Variants in FGD1 observed in about 807,000 individuals in gnomAD.
The protein encoded by FGD1 is FYVE, RhoGEF and PH domain-containing protein 1.
FGD1 carries 12 observed loss-of-function variants against 65.0 expected under a neutral mutation model. That is an observed-to-expected ratio of 0.18 (90% CI 0.12 to 0.30). FGD1 has a LOEUF of 0.30. FGD1 is among the 10% of genes least tolerant of loss of function. FGD1 has a pLI of 1.00. For missense variants in FGD1, 542 were observed against 837.6 expected, an observed-to-expected ratio of 0.65 and a Z score of 4.36; for synonymous variants, 333 against 343.9, an observed-to-expected ratio of 0.97 and a Z score of 0.35.
Position 54,467,923 on chromosome X carries a change from C to A in FGD1, c.1201G>T (p.Ala401Ser). ...RLHLLDQVFC[A>S]RLLEEARNRS... Reference sequence around the variant, plus strand: ...TTCCGAGCTTCTTCCAGCAGCCGGGCACAGAACACCTGTGGGGCAGGGCAG... The same window carrying A: ...TTCCGAGCTTCTTCCAGCAGCCGGGAACAGAACACCTGTGGGGCAGGGCAG... Residue 401 changes from alanine to serine, a missense_variant, in exon 6 of 18, where the codon GCC becomes TCC. Physicochemically the swap from Ala to Ser is moderately conservative, Grantham distance 99 (BLOSUM62 1). Transcript: ENST00000375135. The A allele has an allele frequency of 8.5e-7, 1 of 1,177,915 alleles. No individual in the cohort carries two copies. The highest frequency in any genetic ancestry group is 1.9e-5 in the South Asian group (1 of 53,257).
At chrX:54,487,718 G>A (rs188239701) in intron 1 of FGD1, among the ~76,000 whole-genome samples, 330 of 111,971 alleles carry the variant, frequency 2.9e-3, no homozygotes, top group African/African-American at 0.01. Flanking sequence ...GGGAGGCCGA[G>A]GCAGGCGGAT....
At chrX:54,475,581 G>A (rs1922998805) in intron 1 of FGD1, among the ~76,000 whole-genome samples, 3 of 108,597 alleles carry the variant, frequency 2.8e-5, no homozygotes, top group Non-Finnish European at 1.9e-5. Flanking sequence ...CCTCCCTCTC[G>A]TTTCAGAACT....
In FGD1 at chrX:54,451,008, C is replaced by A. The variant is rs999589199; in HGVS notation, c.2016-707G>T. Among the ~76,000 whole-genome samples, 4 of 110,134 alleles carry A rather than the reference C, an allele frequency of 3.6e-5. No individual in the cohort carries two copies. The Admixed American group carries it at 3.9e-4, about 11-fold the overall frequency. The stretch of plus-strand genomic sequence containing the variant: ...AGGTTGCAGTGAGCGGAGATCGTCC[C>A]ACTGCACTCCAGCCTGGGTGACAGA... On this transcript the variant is annotated intron_variant, in intron 12 of 17. Coordinates refer to ENST00000375135, the MANE Select transcript of FGD1 (RefSeq NM_004463.3).
chrX:54,465,976 G>A, intron 6 of FGD1, 124 bp from the exon 7 acceptor site: 1 of 803,421 alleles, frequency 1.2e-6, no homozygotes, highest in South Asian at 2.3e-5. Flanking sequence ...TTCTCAGCTA[G>A]TCTGCTCCTT....
rs1922740179 is a variant in FGD1 at position 54,465,605 on chromosome X, G to A, written c.1498-16C>T. On this transcript the variant is annotated splice_polypyrimidine_tract_variant and intron_variant, in intron 7 of 17. Coordinates refer to ENST00000375135, the MANE Select transcript of FGD1 (RefSeq NM_004463.3). The stretch of plus-strand genomic sequence containing the variant: ...CTTCCTCCTTCTGTGACAGGCAGAA[G>A]CAGAGGGGCTCAGATCTGGCTGCAG... 3 of 1,209,790 alleles carry A rather than the reference G, an allele frequency of 2.5e-6. No individual in the cohort carries two copies. In the African/African-American group the frequency reaches 5.2e-5, roughly 21 times the overall value.
chrX:54,471,325 G>C lies in FGD1; in HGVS notation c.470C>G (p.Pro157Arg), dbSNP rs774771751. 3.3e-6 allele frequency: 4 copies of C among 1,209,133 alleles called. No homozygotes were observed. The Admixed American group carries it at 8.7e-5, about 26-fold the overall frequency. Residue 157 changes from proline to arginine, a missense_variant, in exon 2 of 18, where the codon CCG (proline) becomes CGG (arginine). Transcript: ENST00000375135. Reference protein sequence around the residue: ...RPSPLKRAPGPKPQVPPKPSY... With the variant: ...RPSPLKRAPGRKPQVPPKPSY... Reference sequence around the variant, plus strand: ...CCAGGACCACTTACCCTGTGGCTTCGGGCCCGGTGCCCGCTTCAGTGGTGA... The same window carrying C: ...CCAGGACCACTTACCCTGTGGCTTCCGGCCCGGTGCCCGCTTCAGTGGTGA...
intron 12 of FGD1, among the ~76,000 whole-genome samples, chrX:54,453,396 A>G (rs1601949911): frequency 9.0e-6 from 1 of 110,901 alleles, no homozygotes; most frequent in South Asian, 3.8e-4. Context: ...ACATGCATCC[A>G]TCCTCTGGCC....
intron 1 of FGD1, among the ~76,000 whole-genome samples, chrX:54,480,094 G>A (rs1372858950): frequency 2.7e-5 from 3 of 112,802 alleles, no homozygotes; most frequent in African/African-American, 9.6e-5. Flanking sequence ...TCAAGAAGTG[G>A]GGGCCATTCT....
chrX:54,479,212 A>G (rs1268917932), intron 1 of FGD1, among the ~76,000 whole-genome samples: 3 of 112,281 alleles, frequency 2.7e-5, no homozygotes, highest in Admixed American at 1.9e-4. Context: ...GTCTGAGGAC[A>G]AGGGCTCCTT....
intron 8 of FGD1, among the ~76,000 whole-genome samples, chrX:54,465,223 C>A (rs1369542786): frequency 9.5e-6 from 1 of 105,334 alleles, no homozygotes; most frequent in African/African-American, 3.4e-5. Context: ...ACTTAGAGGT[C>A]CCTGCCTGAA....
rs775538988 is a variant in FGD1, at chrX:54,469,117, C to G, written c.1102-241G>C. Among the ~76,000 whole-genome samples the G allele has an allele frequency of 4.5e-5, 5 of 111,492 alleles. No homozygotes were observed. The Admixed American group carries it at 4.8e-4, about 11-fold the overall frequency. ...TCCCTCACTCAACAACTCATTCACC[C>G]GCTCTCTCTATTCACTCAGCAGAGT... On this transcript the variant is annotated intron_variant, in intron 4 of 17. Coordinates refer to ENST00000375135, the MANE Select transcript of FGD1 (RefSeq NM_004463.3).
chrX:54,468,726 T>C, intron 5 of FGD1, 61 bp downstream of exon 5: 1 of 805,481 alleles, frequency 1.2e-6, no homozygotes, highest in Non-Finnish European at 1.9e-6. Flanking sequence ...GCCCTATCAC[T>C]GCCTCCTTGA....
chrX:54,471,464 G>T lies in FGD1; in HGVS notation c.331C>A (p.Leu111Met), dbSNP rs536085657. 8.3e-7 allele frequency: 1 copy of T among 1,211,631 alleles called. No homozygotes were observed. ...RPGLHQGNRI[L>M]VKSLSLDPGQ... ...GGGTCAAGGGACAAACTTTTAACCA[G>T]GATCCGGTTTCCCTGGTGCAGCCCT... Residue 111 changes from leucine to methionine, a missense_variant, in exon 2 of 18, where the codon CTG (leucine) becomes ATG (methionine). Transcript: ENST00000375135.
chrX:54,486,058 C>T (rs1453817183), intron 1 of FGD1, among the ~76,000 whole-genome samples: 1 of 110,889 alleles, frequency 9.0e-6, no homozygotes, highest in Admixed American at 9.6e-5. Flanking sequence ...CAGGCGTGAG[C>T]CACCGTGCCC....
chrX:54,486,140 G>A (rs896001061), intron 1 of FGD1, among the ~76,000 whole-genome samples: 15 of 110,655 alleles, frequency 1.4e-4, no homozygotes, highest in African/African-American at 9.9e-5. Flanking sequence ...AGGCTGGAGC[G>A]CAGTGGCACA....
chrX:54,486,628 G>T (rs1044391854), intron 1 of FGD1, among the ~76,000 whole-genome samples: 11 of 109,416 alleles, frequency 1.0e-4, no homozygotes, highest in Non-Finnish European at 1.9e-4. Flanking sequence ...TGATCCACCC[G>T]CCTTGGCCTC....
chrX:54,483,216 C>A (rs922084932), intron 1 of FGD1, among the ~76,000 whole-genome samples: 1 of 111,676 alleles, frequency 9.0e-6, no homozygotes, highest in African/African-American at 3.3e-5. Flanking sequence ...CTAAGAGATG[C>A]GGTGAAAGTG....
intron 1 of FGD1, among the ~76,000 whole-genome samples, chrX:54,476,524 A>AT (rs765724343): frequency 2.8e-5 from 3 of 108,437 alleles, no homozygotes; most frequent in Non-Finnish European, 3.8e-5. Context: ...GCTATTTTTA[A>AT]TTTTTTTTGT....
chrX:54,492,659 G>A (rs1265799354), intron 1 of FGD1, among the ~76,000 whole-genome samples: 2 of 112,001 alleles, frequency 1.8e-5, no homozygotes, highest in Non-Finnish European at 1.9e-5. Context: ...TAATTCCTCC[G>A]CCTCTTCTTC....
Sources: gnomAD v4.1 joint callset for allele counts (sites outside exome capture counted in the v4.1 genomes callset) on GRCh38, gnomAD v4.1.1 for gene constraint, MANE v1.5 for transcripts, NCBI Gene and HGNC (gene_info 2026-07-23, HGNC 2026-07-21) for gene names.